Variants in WWTR1 observed in about 807,000 individuals in gnomAD.
The protein encoded by WWTR1 is WW domain containing transcription regulator 1.
Under a neutral mutation model 40.1 loss-of-function variants are expected in WWTR1, and 13 were observed. The ratio of observed to expected loss-of-function variants is 0.32; its 90% CI spans 0.21 to 0.52. WWTR1 has a LOEUF of 0.52. WWTR1 is among the 20% of genes least tolerant of loss of function. The pLI is 0.97. For synonymous variants in WWTR1, 230 were observed against 210.1 expected (o/e 1.09, Z -0.82); for missense variants, 436 against 523.1 (o/e 0.83, Z 1.63).
intron 2 of WWTR1, among the ~76,000 whole-genome samples, chr3:149,591,533 A>G (rs1410236850): frequency 2.0e-5 from 3 of 152,232 alleles, no homozygotes; most frequent in Non-Finnish European, 4.4e-5. Context: ...AATTGACTAT[A>G]TAACTGTAAT....
chr3:149,610,974 C>T (rs577374575), intron 2 of WWTR1, among the ~76,000 whole-genome samples: 1 of 145,150 alleles, frequency 6.9e-6, no homozygotes, highest in African/African-American at 2.7e-5. Context: ...AAGACCCCAT[C>T]TGTACAAAAA....
At chr3:149,665,521 G>A (rs913482517) in intron 2 of WWTR1, among the ~76,000 whole-genome samples, 1 of 151,978 alleles carries the variant, frequency 6.6e-6, no homozygotes, top group Non-Finnish European at 1.5e-5. Flanking sequence ...TACTGCGCCC[G>A]GCTCAGAAAT....
intron 3 of WWTR1, among the ~76,000 whole-genome samples, chr3:149,544,579 A>G (rs543703444): frequency 3.3e-5 from 5 of 152,312 alleles, no homozygotes; most frequent in African/African-American, 1.2e-4. Flanking sequence ...TTTATGGAAT[A>G]GGGACTGTAA....
intron 1 of WWTR1, among the ~76,000 whole-genome samples, chr3:149,680,651 T>C (rs1714429905): frequency 6.7e-6 from 1 of 149,590 alleles, no homozygotes; most frequent in South Asian, 2.1e-4. Context: ...CTAGGCAACA[T>C]AGAGAGACAC....
At chr3:149,710,573 C>CCG (rs1715450430) in intron 5 of WWTR1, among the ~76,000 whole-genome samples, 1 of 73,164 alleles carries the variant, frequency 1.4e-5, no homozygotes. Flanking sequence ...CCCCGCCTCC[C>CCG]CCCCCCCCCT....
chr3:149,664,173 C>A (rs1713708168), intron 2 of WWTR1, among the ~76,000 whole-genome samples: 1 of 152,236 alleles, frequency 6.6e-6, no homozygotes, highest in South Asian at 2.1e-4. Flanking sequence ...TGGGGCAGAA[C>A]CTGCCCTGAC....
chr3:149,642,064 T>C (rs16862082), intron 2 of WWTR1, among the ~76,000 whole-genome samples: 2,326 of 152,342 alleles, frequency 0.015, 40 homozygotes, highest in East Asian at 0.088. Flanking sequence ...CCTTTCTCCA[T>C]TCCTGCCTTC....
At chr3:149,600,281 G>A (rs1739184983) in intron 2 of WWTR1, among the ~76,000 whole-genome samples, 1 of 152,186 alleles carries the variant, frequency 6.6e-6, no homozygotes, top group African/African-American at 2.4e-5. Context: ...TTAAGAATCA[G>A]TAGCAGTAGC....
upstream of WWTR1, among the ~76,000 whole-genome samples, chr3:149,706,068 G>C (rs1171157195): frequency 1.3e-5 from 2 of 152,090 alleles, no homozygotes; most frequent in Non-Finnish European, 2.9e-5. Context: ...GCATGTGCCT[G>C]TAGTCCCAGC....
At position 149,708,620 on chromosome 3, in the gene WWTR1, T is replaced by C. The variant is rs188352260; in HGVS notation, n.585-5292A>G. ...ACTTCACTTAATATGTCCTCAAGGT[T>C]CATCCATATTATAGTGTGTGTCAGA... On this transcript the variant is annotated intron_variant and non_coding_transcript_variant, in intron 5 of 6. Transcript: ENST00000474080. Among the ~76,000 whole-genome samples, 72 of 152,368 alleles carry C rather than the reference T, an allele frequency of 4.7e-4. 1 individual carries two copies. The East Asian group carries it at 0.011, about 23-fold the overall frequency.
At position 149,668,346 on chromosome 3, in the gene WWTR1, C is replaced by T. The variant is rs113877163; in HGVS notation, c.-4+1442G>A. ...TGTCAAGAGCTGACTCTTGGCCAGG[C>T]GTGTAATCTGAGCACTTTGGGAGGC... On this transcript the variant is annotated intron_variant, in intron 2 of 7. Coordinates refer to the WWTR1 transcript ENST00000465804. 6.2e-3 allele frequency among the ~76,000 whole-genome samples: 938 copies of T among 152,146 alleles called. 8 individuals carry two copies. Among genetic ancestry groups the T allele is most frequent in the African/African-American group, 0.022 (892 of 41,486 alleles).
At chr3:149,703,375 A>G (rs1715253098), upstream of WWTR1, 2 of 152,234 alleles carry the variant, frequency 1.3e-5, no homozygotes, top group African/African-American at 4.8e-5. Flanking sequence ...GGTTTTGCCA[A>G]CAAACAGAAA....
chr3:149,538,563 TA>T (rs1187860569), intron 4 of WWTR1, among the ~76,000 whole-genome samples: 9 of 152,216 alleles, frequency 5.9e-5, no homozygotes, highest in Non-Finnish European at 1.3e-4. Context: ...CAGCCAATGC[TA>T]GATTGGAGGG....
rs937535940 is a variant in WWTR1, at chr3:149,542,416, C to T, written c.690G>A (p.Gln230=). The T allele has an allele frequency of 3.7e-6, 6 of 1,614,148 alleles. No individual in the cohort carries two copies. Among genetic ancestry groups the T allele is most frequent in the Non-Finnish European group, 5.1e-6 (6 of 1,180,008 alleles). The change falls in exon 4 of 7, where the codon CAG becomes CAA. Residue 230 remains glutamine (Q), a synonymous_variant. Coordinates refer to ENST00000360632, the MANE Select transcript of WWTR1 (RefSeq NM_015472.6). ...TCTGAAGCCGCAGTTTCTGCTGCTG[C>T]TGCTGCTGAGTGGTCAGCGCATTGG... ...SMPNALTTQQ[Q]QQQKLRLQRI...
chr3:149,568,259 G>A (rs576876026), intron 3 of WWTR1, among the ~76,000 whole-genome samples: 11 of 147,206 alleles, frequency 7.5e-5, no homozygotes, highest in East Asian at 1.9e-4. Context: ...GGTGGCGGGC[G>A]CCTGTAATCC....
chr3:149,596,386 T>C (rs566837357), intron 2 of WWTR1, among the ~76,000 whole-genome samples: 36 of 152,312 alleles, frequency 2.4e-4, no homozygotes, highest in African/African-American at 7.5e-4. Context: ...GCATTTCTAA[T>C]TCCCTTGCTG....
intron 3 of WWTR1, among the ~76,000 whole-genome samples, chr3:149,560,477 G>T (rs1737034962): frequency 6.6e-6 from 1 of 152,214 alleles, no homozygotes; most frequent in African/African-American, 2.4e-5. Context: ...AGGATGGGAT[G>T]ATCCAATTCC....
chr3:149,532,794 G>C (rs1382249460), intron 4 of WWTR1, among the ~76,000 whole-genome samples: 1 of 152,162 alleles, frequency 6.6e-6, no homozygotes, highest in African/African-American at 2.4e-5. Flanking sequence ...CCCTTGCGTG[G>C]GTAAAAATGA....
At chr3:149,649,267 C>T (rs1342985405) in intron 2 of WWTR1, among the ~76,000 whole-genome samples, 2 of 152,220 alleles carry the variant, frequency 1.3e-5, no homozygotes, top group Admixed American at 1.3e-4. Context: ...GCTGGGATTA[C>T]AGGCGTGAGC....
Sources: gnomAD v4.1 joint callset for allele counts (sites outside exome capture counted in the v4.1 genomes callset) on GRCh38, gnomAD v4.1.1 for gene constraint, MANE v1.5 for transcripts, NCBI Gene and HGNC (gene_info 2026-07-23, HGNC 2026-07-21) for gene names.